ATPAF1: variants seen among roughly 807,000 people sequenced by gnomAD.
The protein encoded by ATPAF1 is homolog of yeast ATP11.
In ATPAF1, 26 loss-of-function variants were observed where a neutral mutation model predicts 43.9. That is an observed-to-expected ratio of 0.59 (90% CI 0.43 to 0.82). The LOEUF (loss-of-function observed/expected upper bound fraction) is 0.82. Among genes scored for constraint, ATPAF1 ranks in the 40% least tolerant of loss-of-function variants. The pLI is 0.00. For synonymous variants in ATPAF1, 157 were observed against 168.0 expected (o/e 0.93, Z 0.50); for missense variants, 366 against 435.0 (o/e 0.84, Z 1.41).
At chr1:46,656,423 C>A (rs762831396) in intron 4 of ATPAF1, among the ~76,000 whole-genome samples, 2 of 152,164 alleles carry the variant, frequency 1.3e-5, no homozygotes, top group Non-Finnish European at 2.9e-5. Context: ...CAACACAGAG[C>A]ACAAAAGGAC....
Position 46,659,516 on chromosome 1 carries a change from G to A in ATPAF1, c.376-779C>T, listed in dbSNP as rs370149383. On this transcript the variant is annotated intron_variant, in intron 2 of 8. Transcript: ENST00000574428. ...GATGGTAGGCATCCTCAGCAGACTAGAGTCATTTTGAGTGTTCAATCTTAA... is the reference window on the plus strand; with the variant it reads ...GATGGTAGGCATCCTCAGCAGACTAAAGTCATTTTGAGTGTTCAATCTTAA... 2.2e-5 allele frequency among the ~76,000 whole-genome samples: 3 copies of A among 137,914 alleles called. No individual in the cohort carries two copies. The East Asian group carries it at 5.8e-4, about 27-fold the overall frequency. 90.5% of individuals were successfully genotyped at this position (137,914 alleles called of 152,430 possible). A position where few individuals can be genotyped will look rare whatever the true frequency, so the allele number is the denominator to read the frequency against.
chr1:46,638,312 T>G (rs1290025549), intron 8 of ATPAF1, among the ~76,000 whole-genome samples: 3 of 152,196 alleles, frequency 2.0e-5, no homozygotes, highest in Non-Finnish European at 4.4e-5. Context: ...AAAGGGGTCC[T>G]CCTACTACTT....
In ATPAF1 at chr1:46,646,151, A is replaced by T. The variant is rs192172578; in HGVS notation, c.589-895T>A. On this transcript the variant is annotated intron_variant, in intron 6 of 8. Transcript: ENST00000574428. Reference sequence around the variant, plus strand: ...ATAGTGAGACCCTGTCTTTAGAAAAATTTTTTTTAAAGTAGTAGTTTATAT... The same window carrying T: ...ATAGTGAGACCCTGTCTTTAGAAAATTTTTTTTTAAAGTAGTAGTTTATAT... Among the ~76,000 whole-genome samples, 644 of 152,244 alleles carry T rather than the reference A, an allele frequency of 4.2e-3. 1 individual carries two copies. Among genetic ancestry groups the T allele is most frequent in the African/African-American group, 0.014 (590 of 41,540 alleles).
At chr1:46,643,378 T>C (rs554758053) in intron 7 of ATPAF1, 77 bp from the exon 8 acceptor site, 8 of 1,191,382 alleles carry the variant, frequency 6.7e-6, no homozygotes, top group Non-Finnish European at 9.6e-6. Context: ...ATAGACAGTC[T>C]AGAGGAAATT....
intron 8 of ATPAF1, among the ~76,000 whole-genome samples, chr1:46,639,509 T>C (rs1675907294): frequency 6.6e-6 from 1 of 152,238 alleles, no homozygotes; most frequent in South Asian, 2.1e-4. Context: ...TCTATTGACA[T>C]AGATGTGGAG....
At chr1:46,666,108 C>A (rs111345741) in intron 1 of ATPAF1, 2,010 of 188,352 alleles carry the variant, frequency 0.011, 48 homozygotes, top group African/African-American at 0.045. Flanking sequence ...GTCTGGAGGA[C>A]CCAGGGACAT....
chr1:46,653,825 C>G lies in ATPAF1; in HGVS notation c.532G>C (p.Val178Leu). 6.2e-7 allele frequency: 1 copy of G among 1,610,654 alleles called. No homozygotes were observed. The highest frequency in any genetic ancestry group is 8.5e-7 in the Non-Finnish European group (1 of 1,178,496). The change falls in exon 5 of 9, where the codon GTT (valine) becomes CTT (leucine). Residue 178 changes from valine (V) to leucine (L), a missense_variant. By Grantham distance (32) the Val-to-Leu change is conservative. Transcript: ENST00000574428. This position sits in a 1 kb window ranked among gnomAD's most constrained non-coding sequence, Gnocchi z 4.8. ...CCCTCCAAACTACTTACAGGAATAACTGCGTAGACTGTATCTTTTGCTGCA... is the reference window on the plus strand; with the variant it reads ...CCCTCCAAACTACTTACAGGAATAAGTGCGTAGACTGTATCTTTTGCTGCA...
At chr1:46,634,234 A>G (rs1675796725), downstream of ATPAF1, 1 of 215,248 alleles carries the variant, frequency 4.6e-6, no homozygotes, top group Non-Finnish European at 9.2e-6. Context: ...AACTGCGAAT[A>G]CTGCTTAAAT....
intron 8 of ATPAF1, 106 bp downstream of exon 8, chr1:46,643,088 G>A: frequency 2.4e-6 from 2 of 849,786 alleles, no homozygotes; most frequent in East Asian, 5.3e-5. Context: ...TAAGAAACAA[G>A]GTATATGTAG....
exon 9 of ATPAF1, chr1:46,635,662 A>C: frequency 9.8e-7 from 1 of 1,022,374 alleles, no homozygotes. Flanking sequence ...CACATAGGGC[A>C]ACTCATTACC....
In ATPAF1 at chr1:46,668,299, A is replaced by AGCC; in HGVS notation, c.21_23dup (p.Ala9dup). ...GGACCGCCGGTCCCGCGCCACCCGC[A>AGCC]GCCGCCACCACCACAGCAGCCATGG... On this transcript the variant is annotated inframe_insertion, in exon 1 of 9. Coordinates refer to ENST00000574428, the Ensembl canonical transcript of ATPAF1. This position sits in a 1 kb window ranked among gnomAD's most constrained non-coding sequence, Gnocchi z 4.4. 1 of 1,379,816 alleles carries AGCC rather than the reference A, an allele frequency of 7.2e-7. No homozygotes were observed. The highest frequency in any genetic ancestry group is 9.4e-7 in the Non-Finnish European group (1 of 1,061,882). The allele number at this position is 1,379,816 out of a possible 1,614,324, so 85.5% of individuals were successfully genotyped here.
Position 46,653,991 on chromosome 1 carries a change from G to T in ATPAF1, c.490-124C>A. Reference sequence around the variant, plus strand: ...TTTGATAACAGAGAGGAAAAACCCAGTATAACGCTTTCATTACTAGCACAT... The same window carrying T: ...TTTGATAACAGAGAGGAAAAACCCATTATAACGCTTTCATTACTAGCACAT... On this transcript the variant is annotated intron_variant, in intron 4 of 8. Coordinates refer to ENST00000574428, the Ensembl canonical transcript of ATPAF1. This position sits in a 1 kb window ranked among gnomAD's most constrained non-coding sequence, Gnocchi z 4.8. 1.3e-6 allele frequency: 1 copy of T among 768,106 alleles called. No individual in the cohort carries two copies. Among genetic ancestry groups the T allele is most frequent in the Non-Finnish European group, 2.1e-6 (1 of 487,120 alleles). The allele number at this position is 768,106 out of a possible 1,614,324, so 47.6% of individuals were successfully genotyped here. A position where few individuals can be genotyped will look rare whatever the true frequency, so the allele number is the denominator to read the frequency against.
intron 2 of ATPAF1, 45 bp from the exon 3 acceptor site, chr1:46,658,782 GA>G: frequency 4.9e-6 from 7 of 1,420,888 alleles, no homozygotes; most frequent in South Asian, 4.2e-5. Flanking sequence ...TTACTCATAA[GA>G]AAAAAGGTAA....
exon 2 of ATPAF1, chr1:46,665,297 G>A: frequency 6.2e-7 from 1 of 1,614,280 alleles, no homozygotes; most frequent in South Asian, 1.1e-5. Flanking sequence ...TGCCTGGAAT[G>A]CCCCACTGGC....
chr1:46,650,054 G>A (rs757946584), intron 6 of ATPAF1, among the ~76,000 whole-genome samples: 4 of 152,124 alleles, frequency 2.6e-5, no homozygotes, highest in Non-Finnish European at 4.4e-5. Flanking sequence ...GAAAACCCGA[G>A]AAATCATTAC....
intron 2 of ATPAF1, among the ~76,000 whole-genome samples, chr1:46,662,054 C>T (rs866135322): frequency 6.6e-6 from 1 of 152,062 alleles, no homozygotes; most frequent in Non-Finnish European, 1.5e-5. Context: ...GCCACAACGC[C>T]CGGCTAATTT....
rs751307709 is a variant in ATPAF1 at position 46,653,360 on chromosome 1, G to T, written c.540+457C>A. On this transcript the variant is annotated intron_variant, in intron 5 of 8. Coordinates refer to ENST00000574428, the Ensembl canonical transcript of ATPAF1. The surrounding 1 kb of genome is among the most constrained non-coding windows in gnomAD (Gnocchi z 4.8). ...CTAAGAATAATTTCAAGAAGGGAAA[G>T]ACCAAGAAAATGCCACTTGCTAAGG... is the stretch of plus-strand genomic sequence containing the variant. 6.6e-6 allele frequency among the ~76,000 whole-genome samples: 1 copy of T among 152,060 alleles called. No individual in the cohort carries two copies. The highest frequency in any genetic ancestry group is 2.4e-5 in the African/African-American group (1 of 41,398).
rs778360613 is a variant in ATPAF1, at chr1:46,643,178, G to T, written c.792+16C>A. 12 of 1,594,114 alleles carry T rather than the reference G, an allele frequency of 7.5e-6. No homozygotes were observed. The East Asian group carries it at 2.7e-4, about 36-fold the overall frequency. The stretch of plus-strand genomic sequence containing the variant: ...CCATGAGGTAAATCCAAAGAGTTTT[G>T]CAAGTTAATTCTTACCAGAAATGTG... On this transcript the variant is annotated intron_variant, in intron 8 of 8. Transcript: ENST00000574428.
rs373632246 is a variant in ATPAF1, at chr1:46,647,560, G to C, written c.589-2304C>G. Among the ~76,000 whole-genome samples, 9 of 152,068 alleles carry C rather than the reference G, an allele frequency of 5.9e-5. No individual in the cohort carries two copies. The East Asian group carries it at 1.3e-3, about 23-fold the overall frequency. ...CTCTTTCCACAATTCCTGTGCACTAGTGACAGACATTTGCATTGTTTCCAG... is the reference window on the plus strand; with the variant it reads ...CTCTTTCCACAATTCCTGTGCACTACTGACAGACATTTGCATTGTTTCCAG... On this transcript the variant is annotated intron_variant, in intron 6 of 8. Coordinates refer to ENST00000574428, the Ensembl canonical transcript of ATPAF1.
Sources: gnomAD v4.1 joint callset for allele counts (sites outside exome capture counted in the v4.1 genomes callset) on GRCh38, gnomAD v4.1.1 for gene constraint, Gnocchi (gnomAD v3.1) non-coding constraint, MANE v1.5 for transcripts, NCBI Gene and HGNC (gene_info 2026-07-23, HGNC 2026-07-21) for gene names.